Variants in MYO10 observed in about 807,000 individuals in gnomAD.
MYO10 encodes the protein unconventional myosin-X.
MYO10 carries 133 observed loss-of-function variants against 257.3 expected under a neutral mutation model. The ratio of observed to expected loss-of-function variants is 0.52; its 90% CI spans 0.45 to 0.60. The LOEUF is 0.60. MYO10 is among the 20% of genes least tolerant of loss of function. The pLI is 0.00. For synonymous variants in MYO10, 1,104 were observed against 1,028.6 expected, an observed-to-expected ratio of 1.07 and a Z score of -1.40; for missense variants, 2,399 against 2,635.7, an observed-to-expected ratio of 0.91 and a Z score of 1.97.
intron 11 of MYO10, among the ~76,000 whole-genome samples, chr5:16,765,055 T>C (rs990041775): frequency 9.9e-5 from 15 of 152,210 alleles, no homozygotes; most frequent in African/African-American, 3.6e-4. Context: ...TATTATACTT[T>C]GTATTTACAA....
chr5:16,769,146 G>A lies in MYO10; in HGVS notation c.988C>T (p.Leu330Phe). 4 of 1,612,706 alleles carry A rather than the reference G, an allele frequency of 2.5e-6. No homozygotes were observed. Among genetic ancestry groups the A allele is most frequent in the Non-Finnish European group, 3.4e-6 (4 of 1,179,448 alleles). ...KEEVREVSRL[L>F]AGILHLGNIE... ...TTCCCAAGATGCAGTATACCAGCAA[G>A]CAGCCTCGACACTTCCCGAACTTCC... The change falls in exon 10 of 41, where the codon CTT becomes TTT. Residue 330 changes from leucine to phenylalanine, a missense_variant. Leu to Phe is a conservative substitution (Grantham distance 22, BLOSUM62 0). Transcript: ENST00000513610.
intron 27 of MYO10, among the ~76,000 whole-genome samples, chr5:16,690,719 T>C (rs1737461129): frequency 6.6e-6 from 1 of 152,014 alleles, no homozygotes; most frequent in South Asian, 2.1e-4. Context: ...TGCGTCTGAA[T>C]TCTGCTTGAG....
intron 1 of MYO10, among the ~76,000 whole-genome samples, chr5:16,898,937 G>GAGGTCGAGA (rs1399284404): frequency 3.3e-5 from 4 of 121,752 alleles, no homozygotes; most frequent in South Asian, 5.6e-4. Flanking sequence ...CCTGAGCCTG[G>GAGGTCGAGA]CCACCTGGCC....
chr5:16,810,695 G>T (rs767217602), intron 3 of MYO10, among the ~76,000 whole-genome samples: 1 of 152,080 alleles, frequency 6.6e-6, no homozygotes, highest in African/African-American at 2.4e-5. Flanking sequence ...TCTAGAGGCT[G>T]ACCTGGGAGG....
intron 19 of MYO10, among the ~76,000 whole-genome samples, chr5:16,720,850 C>A (rs31322): frequency 1.3e-5 from 2 of 152,170 alleles, no homozygotes; most frequent in African/African-American, 2.4e-5. Flanking sequence ...AGGGACTCAT[C>A]GCACAGTTCA....
intron 1 of MYO10, among the ~76,000 whole-genome samples, chr5:16,909,830 G>T (rs1745614011): frequency 6.6e-6 from 1 of 152,138 alleles, no homozygotes; most frequent in Admixed American, 6.6e-5. Flanking sequence ...TTCTTACAGG[G>T]AAGAGTGAAT....
intron 17 of MYO10, among the ~76,000 whole-genome samples, chr5:16,760,344 C>T (rs1232709295): frequency 6.6e-6 from 1 of 150,802 alleles, no homozygotes; most frequent in East Asian, 1.9e-4. Context: ...ACCTGTAGTC[C>T]CAGCTACTCG....
At chr5:16,911,764 G>A (rs978775681) in intron 1 of MYO10, among the ~76,000 whole-genome samples, 8 of 151,998 alleles carry the variant, frequency 5.3e-5, no homozygotes, top group Admixed American at 3.3e-4. Flanking sequence ...TTGGCCAGCC[G>A]CGGTGGCTCA....
At chr5:16,730,558 A>G (rs1739539871) in intron 19 of MYO10, among the ~76,000 whole-genome samples, 1 of 152,212 alleles carries the variant, frequency 6.6e-6, no homozygotes, top group Non-Finnish European at 1.5e-5. Flanking sequence ...CAGAAGACAA[A>G]TCAGTATGGA....
chr5:16,799,038 G>C (rs1426111388), intron 3 of MYO10, among the ~76,000 whole-genome samples: 2 of 152,138 alleles, frequency 1.3e-5, no homozygotes, highest in African/African-American at 2.4e-5. Flanking sequence ...TGACACGTTT[G>C]TATGGTTGCT....
At chr5:16,697,020 C>T in intron 26 of MYO10, among the ~76,000 whole-genome samples, 1 of 144,924 alleles carries the variant, frequency 6.9e-6, no homozygotes, top group East Asian at 2.1e-4. Context: ...TGATTAAATA[C>T]TTATTGGATC....
chr5:16,696,972 T>C (rs187194763), intron 26 of MYO10, among the ~76,000 whole-genome samples: 3 of 152,242 alleles, frequency 2.0e-5, no homozygotes, highest in Admixed American at 6.5e-5. Context: ...GTAAAAACAG[T>C]TAAGATGATT....
chr5:16,926,804 C>CCACTTGACT (rs1211937692), intron 1 of MYO10, among the ~76,000 whole-genome samples: 2 of 151,664 alleles, frequency 1.3e-5, no homozygotes, highest in Non-Finnish European at 2.9e-5. Context: ...TTGACTCTAA[C>CCACTTGACT]CACATAACAA....
chr5:16,895,094 G>A (rs1003334601), intron 1 of MYO10, among the ~76,000 whole-genome samples: 3 of 152,164 alleles, frequency 2.0e-5, no homozygotes, highest in Admixed American at 6.5e-5. Context: ...CCAATAAAAT[G>A]TGGGCAAAAT....
At chr5:16,893,647 A>AG (rs1031047274) in intron 1 of MYO10, among the ~76,000 whole-genome samples, 13 of 148,876 alleles carry the variant, frequency 8.7e-5, no homozygotes, top group African/African-American at 3.3e-4. Context: ...AAAAAAAAAA[A>AG]AAAAAGAAAA....
At position 16,666,780 on chromosome 5, in the gene MYO10, G is replaced by T; in HGVS notation, c.6089C>A (p.Ala2030Asp). The stretch of plus-strand genomic sequence containing the variant: ...GCTGATGTAGGCTTTCATGAGCTTG[G>T]CCACATCCACCACCTGCCCAGGGGG... ...LFETSEVVDVAKLMKAYISMI... is the reference protein window; with the variant it reads ...LFETSEVVDVDKLMKAYISMI... The change falls in exon 41 of 41, where the codon GCC becomes GAC. Residue 2030 changes from alanine (A) to aspartate (D), a missense_variant. Ala to Asp is a moderately radical substitution (Grantham distance 126). Around this residue, in one of 3 missense-constraint regions of MYO10, gnomAD observed 1,820 missense variants for 1,939.4 expected, o/e 0.94. Transcript: ENST00000513610. 1 of 1,603,272 alleles carries T rather than the reference G, an allele frequency of 6.2e-7. No homozygotes were observed. Among genetic ancestry groups the T allele is most frequent in the Non-Finnish European group, 8.5e-7 (1 of 1,176,454 alleles).
At chr5:16,684,460 C>A (rs902894353) in intron 29 of MYO10, among the ~76,000 whole-genome samples, 1 of 152,182 alleles carries the variant, frequency 6.6e-6, no homozygotes, top group East Asian at 1.9e-4. Flanking sequence ...AGGCTGGTCT[C>A]AAATTCCTGG....
rs1298285923 is a variant in MYO10, at chr5:16,701,872, T to C, written c.2557-34A>G. On this transcript the variant is annotated intron_variant, in intron 24 of 40. Coordinates refer to ENST00000513610, the MANE Select transcript of MYO10 (RefSeq NM_012334.3). The surrounding 1 kb of genome is among the most constrained non-coding windows in gnomAD (Gnocchi z 8.1). The stretch of plus-strand genomic sequence containing the variant: ...AAGCAGAAGGGAGATTTCAGAAGGC[T>C]TCAGTACAAAAGTCCAAGCATAGCT... 6.4e-7 allele frequency: 1 copy of C among 1,552,594 alleles called. No homozygotes were observed. The highest frequency in any genetic ancestry group is 8.6e-7 in the Non-Finnish European group (1 of 1,156,150).
intron 19 of MYO10, chr5:16,713,631 T>G (rs2126583158): frequency 2.1e-6 from 1 of 474,706 alleles, no homozygotes; most frequent in South Asian, 9.0e-5. Context: ...TCCCAGTAAC[T>G]TAACCAGGGG....
Sources: allele counts gnomAD v4.1 joint callset (sites outside exome capture counted in the v4.1 genomes callset), GRCh38; gene constraint gnomAD v4.1.1; regional missense constraint gnomAD v4.1.1; non-coding constraint Gnocchi (gnomAD v3.1); transcripts MANE v1.5; gene names NCBI Gene and HGNC (gene_info 2026-07-23, HGNC 2026-07-21).